SATB2: variants seen among roughly 807,000 people sequenced by gnomAD.
SATB2 encodes DNA-binding protein SATB2.
Under a neutral mutation model 73.4 loss-of-function variants are expected in SATB2, and 1 was observed. That is an observed-to-expected ratio of 0.01 (90% confidence interval 0.00 to 0.06). The LOEUF (loss-of-function observed/expected upper bound fraction) is 0.06, where lower values mean the gene tolerates loss of function less well. Among genes scored for constraint, SATB2 ranks in the 10% least tolerant of loss-of-function variants. The probability of loss-of-function intolerance (pLI) is 1.00; values close to 1 mark genes in which losing one functional copy is unlikely to be tolerated. For synonymous variants in SATB2, 397 were observed against 367.0 expected, an observed-to-expected ratio of 1.08 and a Z score of -0.93; for missense variants, 459 against 945.8, an observed-to-expected ratio of 0.49 and a Z score of 6.75.
At chr2:199,274,978 A>G (rs1441015690) in intron 10 of SATB2, among the ~76,000 whole-genome samples, 1 of 152,136 alleles carries the variant, frequency 6.6e-6, no homozygotes, top group Non-Finnish European at 1.5e-5. Flanking sequence ...TGGGGGAGAG[A>G]GAGACTGAAA....
chr2:199,348,659 C>T (rs949433987), intron 7 of SATB2, 42 bp downstream of exon 7: 6 of 1,401,346 alleles, frequency 4.3e-6, no homozygotes, highest in South Asian at 1.3e-5. Context: ...CAATTCTGTC[C>T]CCAGTATTAC....
chr2:199,461,548 T>G (rs763830427), upstream of SATB2, among the ~76,000 whole-genome samples: 1 of 152,216 alleles, frequency 6.6e-6, no homozygotes, highest in Non-Finnish European at 1.5e-5. Flanking sequence ...TAAAACCCAT[T>G]TTGTGCATTA....
intron 3 of SATB2, among the ~76,000 whole-genome samples, chr2:199,383,956 C>T (rs979420922): frequency 6.6e-6 from 1 of 152,146 alleles, no homozygotes; most frequent in Admixed American, 6.5e-5. Context: ...TCTTGTTTGG[C>T]ATGGTGGTTG....
At chr2:199,408,311 T>G (rs144052401) in intron 3 of SATB2, among the ~76,000 whole-genome samples, 1 of 152,176 alleles carries the variant, frequency 6.6e-6, no homozygotes, top group African/African-American at 2.4e-5. Context: ...TTAAATTATT[T>G]TTAAAATTAT....
chr2:199,450,285 C>T (rs1329611143), intron 2 of SATB2, among the ~76,000 whole-genome samples: 1 of 152,108 alleles, frequency 6.6e-6, no homozygotes, highest in Non-Finnish European at 1.5e-5. Flanking sequence ...TGTCATTTCC[C>T]ACTTGTCACT....
intron 10 of SATB2, among the ~76,000 whole-genome samples, chr2:199,303,346 ACTGCC>A (rs1687338579): frequency 6.6e-6 from 1 of 152,198 alleles, no homozygotes; most frequent in African/African-American, 2.4e-5. Flanking sequence ...AAGGCTACTT[ACTGCC>A]AGAGAAGAAG....
intron 3 of SATB2, among the ~76,000 whole-genome samples, chr2:199,430,159 A>G (rs993815104): frequency 6.6e-6 from 1 of 152,192 alleles, no homozygotes; most frequent in African/African-American, 2.4e-5. Flanking sequence ...CTACTGCCAA[A>G]AGCCTTATGG....
chr2:199,292,900 G>A (rs2105744993), intron 10 of SATB2, among the ~76,000 whole-genome samples: 1 of 152,298 alleles, frequency 6.6e-6, no homozygotes, highest in South Asian at 2.1e-4. Flanking sequence ...TGGGGCTTTT[G>A]AAGCCTGCAA....
At chr2:199,323,438 CAGAA>C (rs1192019771) in intron 9 of SATB2, among the ~76,000 whole-genome samples, 3 of 150,470 alleles carry the variant, frequency 2.0e-5, no homozygotes, top group Non-Finnish European at 4.4e-5. Flanking sequence ...AACTTGGTCT[CAGAA>C]AGGTGCTGTT....
chr2:199,432,464 T>C (rs1289804237), intron 3 of SATB2, among the ~76,000 whole-genome samples: 1 of 152,198 alleles, frequency 6.6e-6, no homozygotes, highest in East Asian at 1.9e-4. Flanking sequence ...CAAACATCCT[T>C]GGCATCTTCA....
chr2:199,391,823 T>C (rs1314995913), intron 3 of SATB2, among the ~76,000 whole-genome samples: 1 of 152,052 alleles, frequency 6.6e-6, no homozygotes, highest in Non-Finnish European at 1.5e-5. Flanking sequence ...TATTCAGCAA[T>C]GTCAGAAAAA....
chr2:199,375,183 A>G (rs1201786353), intron 5 of SATB2, among the ~76,000 whole-genome samples: 1 of 152,150 alleles, frequency 6.6e-6, no homozygotes, highest in Non-Finnish European at 1.5e-5. Flanking sequence ...TAAGCCACAG[A>G]AAGATGCAAT....
chr2:199,360,730 C>T (rs1689113372), intron 6 of SATB2, among the ~76,000 whole-genome samples: 1 of 152,140 alleles, frequency 6.6e-6, no homozygotes, highest in African/African-American at 2.4e-5. Flanking sequence ...CTGATAATTA[C>T]ACTTAGCCCT....
intron 9 of SATB2, among the ~76,000 whole-genome samples, chr2:199,317,137 G>T (rs1430580877): frequency 6.6e-6 from 1 of 151,976 alleles, no homozygotes; most frequent in Non-Finnish European, 1.5e-5. Flanking sequence ...AAAGATCAGG[G>T]TGGGACTAGA....
At chr2:199,358,849 T>C (rs1689060415) in intron 6 of SATB2, among the ~76,000 whole-genome samples, 1 of 152,186 alleles carries the variant, frequency 6.6e-6, no homozygotes, top group African/African-American at 2.4e-5. Context: ...GAGCATTATC[T>C]ACCTTTCTTA....
At chr2:199,289,399 A>T (rs1383075825) in intron 10 of SATB2, among the ~76,000 whole-genome samples, 2 of 152,154 alleles carry the variant, frequency 1.3e-5, no homozygotes, top group African/African-American at 2.4e-5. Context: ...TAACTGGACT[A>T]GTAACTCCTT....
rs565923178 is a variant in SATB2 at position 199,395,269 on chromosome 2, A to C, written c.347-13449T>G. ...AATCCATCAAGAAATTGGGCATTTA[A>C]GTTTATCATGGTATTATTATGTTGC... is the stretch of plus-strand genomic sequence containing the variant. On this transcript the variant is annotated intron_variant, in intron 3 of 10. Transcript: ENST00000417098. 2.0e-5 allele frequency among the ~76,000 whole-genome samples: 3 copies of C among 152,328 alleles called. 1 individual carries two copies. In the South Asian group the frequency reaches 6.2e-4, roughly 32 times the overall value.
At chr2:199,445,812 A>G (rs1691947180) in intron 2 of SATB2, among the ~76,000 whole-genome samples, 1 of 152,188 alleles carries the variant, frequency 6.6e-6, no homozygotes, top group Admixed American at 6.5e-5. Context: ...AAAGGGCAAC[A>G]TCTGAATGGA....
At chr2:199,378,459 T>C (rs191265968) in intron 5 of SATB2, among the ~76,000 whole-genome samples, 12 of 152,352 alleles carry the variant, frequency 7.9e-5, no homozygotes, top group Admixed American at 7.2e-4. Flanking sequence ...ATGCATTTTA[T>C]AACTTTGTAT....
Sources: gnomAD v4.1 joint callset for allele counts (sites outside exome capture counted in the v4.1 genomes callset) on GRCh38, gnomAD v4.1.1 for gene constraint, MANE v1.5 for transcripts, NCBI Gene and HGNC (gene_info 2026-07-23, HGNC 2026-07-21) for gene names.